Variants in CNTNAP2 observed in about 807,000 individuals in gnomAD.
CNTNAP2 encodes contactin associated protein 2, also known as contactin-associated protein-like 2.
Under a neutral mutation model 155.2 loss-of-function variants are expected in CNTNAP2, and 98 were observed. The ratio of observed to expected loss-of-function variants is 0.63; its 90% confidence interval spans 0.54 to 0.75. The LOEUF (loss-of-function observed/expected upper bound fraction) is 0.75, where lower values mean the gene tolerates loss of function less well. CNTNAP2 is among the 30% of genes least tolerant of loss of function. CNTNAP2 has a pLI of 0.00. For missense variants in CNTNAP2, 1,727 were observed against 1,688.1 expected, an observed-to-expected ratio of 1.02 and a Z score of -0.40; for synonymous variants, 651 against 631.2, an observed-to-expected ratio of 1.03 and a Z score of -0.47.
chr7:146,353,701 G>A (rs2129099304), intron 1 of CNTNAP2, among the ~76,000 whole-genome samples: 1 of 152,130 alleles, frequency 6.6e-6, no homozygotes, highest in East Asian at 1.9e-4. Flanking sequence ...TACCTGGAAA[G>A]TATGTTATAT....
At chr7:147,862,585 C>T (rs1584997322) in intron 13 of CNTNAP2, among the ~76,000 whole-genome samples, 3 of 151,926 alleles carry the variant, frequency 2.0e-5, no homozygotes, top group Admixed American at 2.0e-4. Context: ...GGACCCCTTA[C>T]ATTAGCACTC....
At chr7:146,507,292 T>C (rs1384728307) in intron 1 of CNTNAP2, among the ~76,000 whole-genome samples, 2 of 152,198 alleles carry the variant, frequency 1.3e-5, no homozygotes, top group Non-Finnish European at 2.9e-5. Context: ...CCTACTTGTG[T>C]TCTACAGTGC....
intron 13 of CNTNAP2, among the ~76,000 whole-genome samples, chr7:147,702,728 G>A (rs990000023): frequency 2.0e-5 from 3 of 152,052 alleles, no homozygotes; most frequent in African/African-American, 7.2e-5. Flanking sequence ...TGGGTCTGCA[G>A]GAAAGGCTGA....
At chr7:148,135,648 A>G (rs1804921323) in intron 16 of CNTNAP2, among the ~76,000 whole-genome samples, 1 of 151,794 alleles carries the variant, frequency 6.6e-6, no homozygotes, top group South Asian at 2.1e-4. Flanking sequence ...CAGGAGCTCC[A>G]GAAAAACCTG....
intron 16 of CNTNAP2, among the ~76,000 whole-genome samples, chr7:148,126,052 T>C (rs950181560): frequency 6.6e-6 from 1 of 152,050 alleles, no homozygotes; most frequent in African/African-American, 2.4e-5. Context: ...GTACGAACAA[T>C]ATGCTGTGGT....
chr7:146,875,340 A>G (rs1025401534), intron 3 of CNTNAP2, among the ~76,000 whole-genome samples: 2 of 152,176 alleles, frequency 1.3e-5, no homozygotes, highest in Admixed American at 6.6e-5. Flanking sequence ...AATGGCCTCA[A>G]TGTTCCCCAC....
chr7:147,542,495 C>T (rs769287150), intron 11 of CNTNAP2, among the ~76,000 whole-genome samples: 16 of 152,164 alleles, frequency 1.1e-4, no homozygotes, highest in Middle Eastern at 3.2e-3. Flanking sequence ...TGGGAATAAT[C>T]GGAGGAAGTT....
At chr7:146,264,055 AT>A (rs2129082159) in intron 1 of CNTNAP2, among the ~76,000 whole-genome samples, 1 of 152,330 alleles carries the variant, frequency 6.6e-6, no homozygotes, top group African/African-American at 2.4e-5. Context: ...CAGGGTCAGA[AT>A]TGAGAATAAG....
intron 21 of CNTNAP2, among the ~76,000 whole-genome samples, chr7:148,370,844 G>C (rs1465498776): frequency 6.6e-6 from 1 of 152,116 alleles, no homozygotes; most frequent in Non-Finnish European, 1.5e-5. Flanking sequence ...CTTCTCCCTG[G>C]TGCCGGCCTT....
intron 1 of CNTNAP2, among the ~76,000 whole-genome samples, chr7:146,649,605 C>T (rs962866541): frequency 6.6e-6 from 1 of 152,072 alleles, no homozygotes; most frequent in African/African-American, 2.4e-5. Context: ...GTATGAATAA[C>T]CATCTTATTA....
intron 2 of CNTNAP2, among the ~76,000 whole-genome samples, chr7:146,807,744 C>A (rs972183655): frequency 2.0e-5 from 3 of 151,832 alleles, no homozygotes; most frequent in Non-Finnish European, 2.9e-5. Flanking sequence ...GTATTTTCTT[C>A]TTTTCAGTCC....
At chr7:147,767,103 C>T (rs1797393235) in intron 13 of CNTNAP2, among the ~76,000 whole-genome samples, 1 of 152,032 alleles carries the variant, frequency 6.6e-6, no homozygotes, top group Non-Finnish European at 1.5e-5. Flanking sequence ...GAAATCATTA[C>T]TACATTTTAA....
intron 1 of CNTNAP2, among the ~76,000 whole-genome samples, chr7:146,410,733 T>C (rs1031073836): frequency 1.3e-5 from 2 of 152,288 alleles, no homozygotes; most frequent in East Asian, 3.9e-4. Context: ...TTTTTATCTT[T>C]GTGAAATTTT....
At chr7:146,822,964 T>C (rs1803319857) in intron 2 of CNTNAP2, among the ~76,000 whole-genome samples, 1 of 66,362 alleles carries the variant, frequency 1.5e-5, no homozygotes, top group African/African-American at 6.6e-5. Context: ...TACATGGAAA[T>C]ATACTCATTC....
At chr7:147,639,953 G>A (rs1174095348) in intron 13 of CNTNAP2, among the ~76,000 whole-genome samples, 2 of 152,184 alleles carry the variant, frequency 1.3e-5, no homozygotes, top group Non-Finnish European at 2.9e-5. Context: ...TGCTCTGGGA[G>A]TCTTGGCAGT....
chr7:148,131,549 A>G (rs556101121), intron 16 of CNTNAP2, among the ~76,000 whole-genome samples: 1 of 152,366 alleles, frequency 6.6e-6, no homozygotes, highest in South Asian at 2.1e-4. Flanking sequence ...AAGAAATCAA[A>G]GAAGTTTGAA....
intron 2 of CNTNAP2, among the ~76,000 whole-genome samples, chr7:146,832,296 TC>T (rs1803528113): frequency 6.6e-6 from 1 of 152,094 alleles, no homozygotes. Flanking sequence ...TGGTGTCATG[TC>T]TTTTTTAGTT....
At chr7:148,171,559 C>T (rs549737145) in intron 17 of CNTNAP2, among the ~76,000 whole-genome samples, 1 of 152,310 alleles carries the variant, frequency 6.6e-6, no homozygotes, top group South Asian at 2.1e-4. Context: ...AACTCTATAA[C>T]TTACTCCAAA....
chr7:148,219,738 G>C (rs1239570773), intron 19 of CNTNAP2, among the ~76,000 whole-genome samples: 3 of 152,122 alleles, frequency 2.0e-5, no homozygotes, highest in Non-Finnish European at 4.4e-5. Context: ...GAAGGCTGAG[G>C]GGGGAGGATC....
Sources: allele counts gnomAD v4.1 joint callset (sites outside exome capture counted in the v4.1 genomes callset), GRCh38; gene constraint gnomAD v4.1.1; transcripts MANE v1.5; gene names NCBI Gene and HGNC (gene_info 2026-07-23, HGNC 2026-07-21).